Variants in PUDP observed in about 807,000 individuals in gnomAD.
The protein encoded by PUDP is pseudouridine 5'-phosphatase, also known as pseudouridine-5'-phosphatase.
Under a neutral mutation model 9.4 loss-of-function variants are expected in PUDP, and 8 were observed. The ratio of observed to expected loss-of-function variants is 0.85; its 90% CI spans 0.50 to 1.53. The LOEUF (loss-of-function observed/expected upper bound fraction) is 1.53, where lower values mean the gene tolerates loss of function less well. PUDP is among the 40% of genes most tolerant of loss of function. The pLI, the probability that PUDP is intolerant of heterozygous loss-of-function variation, is 0.00. For synonymous variants in PUDP, 99 were observed against 80.7 expected (o/e 1.23, Z -1.22); for missense variants, 188 against 189.7 (o/e 0.99, Z 0.05).
Position 6,816,935 on chromosome X carries a change from C to T in PUDP, c.*248-110469G>A, listed in dbSNP as rs1387613615. Among the ~76,000 whole-genome samples the T allele has an allele frequency of 1.1e-4, 10 of 88,887 alleles. No homozygotes were observed. In the East Asian group the frequency reaches 1.3e-3, roughly 12 times the overall value. The allele number at this position is 88,887 out of a possible 115,157, so 77.2% of individuals were successfully genotyped here. A position where few individuals can be genotyped will look rare whatever the true frequency, so the allele number is the denominator to read the frequency against. On this transcript the variant is annotated intron_variant and NMD_transcript_variant, in intron 3 of 3. Coordinates refer to the PUDP transcript ENST00000655425. ...ATATAGTATATATAATATATATACA[C>T]ATATAGTATATACTATATGTATATA...
At chrX:6,930,206 G>A (rs1228375313) in intron 3 of PUDP, among the ~76,000 whole-genome samples, 1 of 110,785 alleles carries the variant, frequency 9.0e-6, no homozygotes, top group Non-Finnish European at 1.9e-5. Flanking sequence ...CAAGGGCTGG[G>A]TAAAATGAGG....
intron 1 of PUDP, among the ~76,000 whole-genome samples, chrX:6,710,700 C>T (rs2146650710): frequency 8.9e-6 from 1 of 112,264 alleles, no homozygotes; most frequent in South Asian, 3.7e-4. Flanking sequence ...CGCTGGATTT[C>T]GCAGAATAAA....
chrX:7,039,681 T>C (rs1158705163), intron 1 of PUDP, among the ~76,000 whole-genome samples: 1 of 112,360 alleles, frequency 8.9e-6, no homozygotes, highest in Admixed American at 9.4e-5. Flanking sequence ...GTAAGAACAA[T>C]TTCTTCTGTT....
At chrX:6,906,879 T>C (rs1927774752) in intron 3 of PUDP, among the ~76,000 whole-genome samples, 1 of 111,622 alleles carries the variant, frequency 9.0e-6, no homozygotes, top group Admixed American at 9.5e-5. Flanking sequence ...CTGGAAATGG[T>C]CCAGCTCCTT....
At chrX:7,089,123 G>T (rs1413643601) in intron 2 of PUDP, among the ~76,000 whole-genome samples, 1 of 111,405 alleles carries the variant, frequency 9.0e-6, no homozygotes, top group Non-Finnish European at 1.9e-5. Context: ...AAGAGTGGGG[G>T]CTGAGCCGCC....
At chrX:7,042,700 T>C (rs1014017680) in intron 1 of PUDP, among the ~76,000 whole-genome samples, 1 of 111,111 alleles carries the variant, frequency 9.0e-6, no homozygotes, top group African/African-American at 3.3e-5. Flanking sequence ...CTGGGTTGTA[T>C]GATGAATCTG....
chrX:7,138,375 AT>A (rs60028627), intron 1 of PUDP, among the ~76,000 whole-genome samples: 2,739 of 100,274 alleles, frequency 0.027, 52 homozygotes, highest in African/African-American at 0.057. Context: ...TTAATCTAGT[AT>A]TTTTTTTTTT....
intron 3 of PUDP, among the ~76,000 whole-genome samples, chrX:7,061,134 T>G (rs1343355891): frequency 9.0e-6 from 1 of 111,471 alleles, no homozygotes; most frequent in Non-Finnish European, 1.9e-5. Context: ...ATGTGCTGGA[T>G]GTGGGGCCTG....
At chrX:6,827,887 T>C (rs1926447008) in intron 3 of PUDP, among the ~76,000 whole-genome samples, 1 of 112,293 alleles carries the variant, frequency 8.9e-6, no homozygotes, top group African/African-American at 3.2e-5. Flanking sequence ...ATACTGGATA[T>C]TTGCAGGACT....
intron 3 of PUDP, among the ~76,000 whole-genome samples, chrX:6,817,098 A>T (rs953090645): frequency 3.3e-4 from 35 of 105,957 alleles, no homozygotes; most frequent in Non-Finnish European, 1.5e-4. Context: ...ATATTTTGAG[A>T]TAGTATCTCA....
intron 1 of PUDP, among the ~76,000 whole-genome samples, chrX:7,135,118 CA>C (rs1364913615): frequency 9.0e-6 from 1 of 111,536 alleles, no homozygotes; most frequent in Non-Finnish European, 1.9e-5. Flanking sequence ...GTTCAAGCTC[CA>C]ACCTCCAGTT....
chrX:7,086,423 T>C (rs183063140), intron 2 of PUDP, among the ~76,000 whole-genome samples: 38 of 112,507 alleles, frequency 3.4e-4, no homozygotes, highest in Admixed American at 3.1e-3. Flanking sequence ...TTTTTATAAG[T>C]TCTGTATGTT....
chrX:6,861,643 T>C (rs1053717039), intron 3 of PUDP, among the ~76,000 whole-genome samples: 1 of 111,663 alleles, frequency 9.0e-6, no homozygotes, highest in Non-Finnish European at 1.9e-5. Flanking sequence ...GTCTGAATTC[T>C]CCCACGAGTC....
intron 1 of PUDP, among the ~76,000 whole-genome samples, chrX:7,114,066 T>C (rs201606916): frequency 1.8e-5 from 1 of 56,107 alleles, no homozygotes; most frequent in African/African-American, 7.7e-5. Context: ...CTCTCTCTCT[T>C]TTTCTTTTTT....
intron 3 of PUDP, among the ~76,000 whole-genome samples, chrX:6,916,227 CACACACACACACACACACACA>C (rs1569122746): frequency 1.2e-4 from 13 of 105,370 alleles, no homozygotes; most frequent in African/African-American, 2.8e-4. Context: ...CACACACACA[CACACACACACACACACACACA>C]CCCTGGGGAA....
At chrX:7,108,579 GCAA>G (rs1460702167) in intron 1 of PUDP, among the ~76,000 whole-genome samples, 1 of 112,129 alleles carries the variant, frequency 8.9e-6, no homozygotes, top group African/African-American at 3.2e-5. Context: ...ACTGCTAACA[GCAA>G]CAAGAAGAGC....
chrX:6,746,565 C>T (rs1925002298), intron 3 of PUDP, among the ~76,000 whole-genome samples: 1 of 110,637 alleles, frequency 9.0e-6, no homozygotes, highest in Admixed American at 9.6e-5. Flanking sequence ...CTCTCTCTCC[C>T]CCCACCCCAT....
intron 3 of PUDP, among the ~76,000 whole-genome samples, chrX:6,733,022 C>G (rs1924828148): frequency 8.9e-6 from 1 of 111,980 alleles, no homozygotes; most frequent in Non-Finnish European, 1.9e-5. Context: ...GCATGTGGAG[C>G]CAACACCAGG....
At chrX:6,743,215 A>G (rs1394286763) in intron 3 of PUDP, among the ~76,000 whole-genome samples, 1 of 112,264 alleles carries the variant, frequency 8.9e-6, no homozygotes, top group African/African-American at 3.3e-5. Context: ...TGTCTCTATC[A>G]TTATTGCATG....
Sources: gnomAD v4.1 joint callset for allele counts (sites outside exome capture counted in the v4.1 genomes callset) on GRCh38, gnomAD v4.1.1 for gene constraint, MANE v1.5 for transcripts, NCBI Gene and HGNC (gene_info 2026-07-23, HGNC 2026-07-21) for gene names.